Variants in GTF3C2 observed in about 807,000 individuals in gnomAD.
GTF3C2 encodes the protein general transcription factor 3C polypeptide 2.
A neutral mutation model predicts 117.4 loss-of-function variants in GTF3C2; 17 were observed. The observed-to-expected ratio is 0.14, with a 90% CI of 0.10 to 0.22. GTF3C2 has a LOEUF of 0.22. GTF3C2 is among the 10% of genes least tolerant of loss of function. GTF3C2 has a pLI of 1.00. For synonymous variants in GTF3C2, 437 were observed against 427.0 expected (o/e 1.02, Z -0.29); for missense variants, 888 against 1,143.6 (o/e 0.78, Z 3.22).
At chr2:27,337,315 C>T (rs1163055368) in exon 7 of GTF3C2, 1 of 1,613,100 alleles carries the variant, frequency 6.2e-7, no homozygotes, top group African/African-American at 1.3e-5. Context: ...GAGACTTCTC[C>T]TCCTGGGGCA....
exon 8 of GTF3C2, chr2:27,336,388 C>T (rs1331992141): frequency 1.2e-6 from 2 of 1,611,534 alleles, no homozygotes; most frequent in East Asian, 2.2e-5. Context: ...AAGAAGGACA[C>T]ATCCCAGCGC....
intron 12 of GTF3C2, among the ~76,000 whole-genome samples, chr2:27,330,329 G>T (rs1385948666): frequency 6.6e-6 from 1 of 151,720 alleles, no homozygotes; most frequent in Admixed American, 6.6e-5. Flanking sequence ...CAGTGTGGTG[G>T]TGTACACCTG....
At chr2:27,342,948 T>C (rs1412990529) in exon 3 of GTF3C2, 4 of 1,614,020 alleles carry the variant, frequency 2.5e-6, no homozygotes, top group Admixed American at 3.3e-5. Context: ...GCAGCAGCTC[T>C]GCCTTGGACT....
intron 12 of GTF3C2, 89 bp downstream of exon 12, chr2:27,333,566 T>A (rs1306865572): frequency 1.2e-6 from 1 of 829,482 alleles, no homozygotes; most frequent in East Asian, 2.4e-5. Context: ...ATGTCCAGTA[T>A]TGAACCACCA....
At chr2:27,345,956 C>T (rs1364790691) in intron 1 of GTF3C2, among the ~76,000 whole-genome samples, 1 of 150,696 alleles carries the variant, frequency 6.6e-6, no homozygotes, top group Non-Finnish European at 1.5e-5. Flanking sequence ...CTCAGGTGAT[C>T]TGCCCACCTT....
At chr2:27,327,344 A>T in intron 17 of GTF3C2, 60 bp from the exon 18 acceptor site, 1 of 894,268 alleles carries the variant, frequency 1.1e-6, no homozygotes, top group Non-Finnish European at 1.8e-6. Flanking sequence ...TTTTTTTAAG[A>T]CGGAGTCTCG....
intron 4 of GTF3C2, among the ~76,000 whole-genome samples, chr2:27,338,644 C>T (rs1300266727): frequency 6.6e-6 from 1 of 152,170 alleles, no homozygotes; most frequent in East Asian, 1.9e-4. Flanking sequence ...TCAAGCAATC[C>T]TCTCACCTCT....
intron 1 of GTF3C2, among the ~76,000 whole-genome samples, chr2:27,355,863 T>C (rs944436370): frequency 6.6e-6 from 1 of 152,352 alleles, no homozygotes; most frequent in Non-Finnish European, 1.5e-5. Context: ...GACTAGTGCT[T>C]TTATTTCAAC....
intron 10 of GTF3C2, among the ~76,000 whole-genome samples, chr2:27,334,920 A>T (rs573140785): frequency 6.6e-6 from 1 of 152,292 alleles, no homozygotes; most frequent in Admixed American, 6.5e-5. Flanking sequence ...ACTGGAATTA[A>T]GGCATGGACC....
chr2:27,346,625 C>T (rs1472766607), intron 1 of GTF3C2, among the ~76,000 whole-genome samples: 2 of 151,880 alleles, frequency 1.3e-5, no homozygotes, highest in Non-Finnish European at 2.9e-5. Context: ...CTCTCAACTT[C>T]GTCTCCCAAA....
At chr2:27,337,182 CA>C (rs1680516467) in intron 7 of GTF3C2, 61 bp downstream of exon 7, 3 of 956,926 alleles carry the variant, frequency 3.1e-6, no homozygotes, top group Non-Finnish European at 4.9e-6. Context: ...TCTCTTTCAA[CA>C]TTCATTTTTC....
rs143799890 is a variant in GTF3C2, at chr2:27,329,722, C to T, written c.1733-199G>A. On this transcript the variant is annotated intron_variant, in intron 12 of 18. Transcript: ENST00000264720. This position sits in a 1 kb window ranked among gnomAD's most constrained non-coding sequence, Gnocchi z 4.5. ...AACCTGGTATTTTAACCCTAATTCT[C>T]ATCAACAAAAAAGTAATAGCTTTGT... 1.7e-3 allele frequency among the ~76,000 whole-genome samples: 262 copies of T among 152,280 alleles called. No homozygotes were observed. Among genetic ancestry groups the T allele is most frequent in the African/African-American group, 6.1e-3 (252 of 41,558 alleles).
intron 3 of GTF3C2, 42 bp from the exon 4 acceptor site, chr2:27,342,275 T>C: frequency 6.5e-7 from 1 of 1,530,332 alleles, no homozygotes; most frequent in Non-Finnish European, 8.9e-7. Context: ...CACATATGAC[T>C]GAGAACCCAC....
At position 27,329,949 on chromosome 2, in the gene GTF3C2, A is replaced by T. The variant is rs1187187187; in HGVS notation, c.1733-426T>A. 6.6e-6 allele frequency among the ~76,000 whole-genome samples: 1 copy of T among 151,986 alleles called. No individual in the cohort carries two copies. The highest frequency in any genetic ancestry group is 6.6e-5 in the Admixed American group (1 of 15,214). On this transcript the variant is annotated intron_variant, in intron 12 of 18. Transcript: ENST00000264720. This position sits in a 1 kb window ranked among gnomAD's most constrained non-coding sequence, Gnocchi z 4.5. The stretch of plus-strand genomic sequence containing the variant: ...CACCTGAGGTCAGGAGTTTGAGACC[A>T]GCCTGATCAACATGGTGAAACCCCG...
At chr2:27,344,529 A>T (rs1045551547) in intron 1 of GTF3C2, among the ~76,000 whole-genome samples, 2 of 152,140 alleles carry the variant, frequency 1.3e-5, no homozygotes, top group Admixed American at 6.6e-5. Context: ...AGAGAGAGAA[A>T]AATTTGTCTA....
Position 27,329,571 on chromosome 2 carries a change from C to T in GTF3C2, c.1733-48G>A, listed in dbSNP as rs763682355. On this transcript the variant is annotated intron_variant, in intron 12 of 18. Coordinates refer to ENST00000264720, the Ensembl canonical transcript of GTF3C2. This position sits in a 1 kb window ranked among gnomAD's most constrained non-coding sequence, Gnocchi z 4.5. ...GAGCATTAAAAGCAAGTTCTCTCTTCCTTGCTCTAATTTCTTTCTCTGGGC... is the reference window on the plus strand; with the variant it reads ...GAGCATTAAAAGCAAGTTCTCTCTTTCTTGCTCTAATTTCTTTCTCTGGGC... 21 of 1,590,480 alleles carry T rather than the reference C, an allele frequency of 1.3e-5. No individual in the cohort carries two copies. The highest frequency in any genetic ancestry group is 1.7e-5 in the Non-Finnish European group (20 of 1,162,426).
chr2:27,334,857 C>T (rs905192005), intron 10 of GTF3C2, among the ~76,000 whole-genome samples: 13 of 152,204 alleles, frequency 8.5e-5, no homozygotes, highest in Admixed American at 6.5e-4. Flanking sequence ...ATTGCCCCAG[C>T]TGGTCTCAAA....
chr2:27,328,027 C>T lies in GTF3C2; in HGVS notation c.2409+10G>A. The T allele has an allele frequency of 6.2e-7, 1 of 1,607,522 alleles. No individual in the cohort carries two copies. The highest frequency in any genetic ancestry group is 8.5e-7 in the Non-Finnish European group (1 of 1,177,342). On this transcript the variant is annotated intron_variant, in intron 17 of 18. Transcript: ENST00000264720. ...CTAATACCACACCCATTCTCCTGGC[C>T]TCAGCTTACCAAATCTGTGTCTTGA... is the stretch of plus-strand genomic sequence containing the variant.
Position 27,326,931 on chromosome 2 carries a change from G to C in GTF3C2, c.2518-38C>G, listed in dbSNP as rs116010390. 5.7e-4 allele frequency: 786 copies of C among 1,376,918 alleles called. 4 individuals are homozygous for C. The African/African-American group carries it at 9.9e-3, about 17-fold the overall frequency. The allele number at this position is 1,376,918 out of a possible 1,614,324, so 85.3% of individuals were successfully genotyped here. A position where few individuals can be genotyped will look rare whatever the true frequency, so the allele number is the denominator to read the frequency against. On this transcript the variant is annotated intron_variant, in intron 18 of 18. Transcript: ENST00000264720. Reference sequence around the variant, plus strand: ...CAGAAAACAAGAGAGAGATGCTCATGGGTGGTGCTTTAGGGTGACTCCTAG... The same window carrying C: ...CAGAAAACAAGAGAGAGATGCTCATCGGTGGTGCTTTAGGGTGACTCCTAG...
Sources: gnomAD v4.1 joint callset for allele counts (sites outside exome capture counted in the v4.1 genomes callset) on GRCh38, gnomAD v4.1.1 for gene constraint, Gnocchi (gnomAD v3.1) non-coding constraint, MANE v1.5 for transcripts, NCBI Gene and HGNC (gene_info 2026-07-23, HGNC 2026-07-21) for gene names.